Variants in PLXNC1 observed in about 807,000 individuals in gnomAD.
The protein encoded by PLXNC1 is plexin C1.
Under a neutral mutation model 178.2 loss-of-function variants are expected in PLXNC1, and 75 were observed. The ratio of observed to expected loss-of-function variants is 0.42; its 90% CI spans 0.35 to 0.51. The LOEUF is 0.51. Ranked by LOEUF, PLXNC1 falls within the 20% of genes least tolerant of loss-of-function variation. The pLI, the probability that PLXNC1 is intolerant of heterozygous loss-of-function variation, is 0.02. For missense variants in PLXNC1, 1,503 were observed against 1,984.4 expected, an observed-to-expected ratio of 0.76 and a Z score of 4.61; for synonymous variants, 790 against 779.9, an observed-to-expected ratio of 1.01 and a Z score of -0.22.
At chr12:94,189,552 T>G (rs1410153629) in intron 4 of PLXNC1, among the ~76,000 whole-genome samples, 1 of 152,078 alleles carries the variant, frequency 6.6e-6, no homozygotes, top group African/African-American at 2.4e-5. Flanking sequence ...TGGTGGTATG[T>G]GCTTCTGGTC....
At chr12:94,247,078 T>C (rs1195588683) in intron 12 of PLXNC1, among the ~76,000 whole-genome samples, 1 of 152,118 alleles carries the variant, frequency 6.6e-6, no homozygotes, top group Non-Finnish European at 1.5e-5. Flanking sequence ...TAAATTTTAT[T>C]TTTTATATAT....
intron 9 of PLXNC1, among the ~76,000 whole-genome samples, chr12:94,236,766 T>C (rs938385144): frequency 7.9e-5 from 12 of 152,310 alleles, no homozygotes; most frequent in South Asian, 2.1e-4. Context: ...TATAGAAGAA[T>C]ACAGACTTGC....
chr12:94,274,005 G>A (rs900093334), intron 21 of PLXNC1, among the ~76,000 whole-genome samples: 3 of 151,840 alleles, frequency 2.0e-5, no homozygotes, highest in African/African-American at 4.8e-5. Flanking sequence ...CGCTCCAAGC[G>A]CTACTCCCCC....
intron 2 of PLXNC1, among the ~76,000 whole-genome samples, chr12:94,171,193 T>G (rs938678257): frequency 1.3e-5 from 2 of 152,194 alleles, no homozygotes; most frequent in African/African-American, 4.8e-5. Flanking sequence ...TTAGCGATGT[T>G]GTGGCAACCA....
rs528486054 is a variant in PLXNC1 at position 94,152,831 on chromosome 12, G to C, written c.1062+2798G>C. On this transcript the variant is annotated intron_variant, in intron 1 of 30. Coordinates refer to ENST00000258526, the MANE Select transcript of PLXNC1 (RefSeq NM_005761.3). ...CCACTTTCTGGTTCTCTTATCTCTT[G>C]TCACTGATCCTCCTCTCCTTCAGCT... Among the ~76,000 whole-genome samples, 5 of 152,272 alleles carry C rather than the reference G, an allele frequency of 3.3e-5. No individual in the cohort carries two copies. In the South Asian group the frequency reaches 1.0e-3, roughly 32 times the overall value.
At chr12:94,280,983 G>A (rs1452419441) in intron 22 of PLXNC1, among the ~76,000 whole-genome samples, 1 of 152,176 alleles carries the variant, frequency 6.6e-6, no homozygotes, top group Non-Finnish European at 1.5e-5. Flanking sequence ...CAACTGTACT[G>A]AAATCCAACA....
intron 22 of PLXNC1, among the ~76,000 whole-genome samples, chr12:94,280,772 C>T (rs1022355902): frequency 1.2e-4 from 18 of 152,344 alleles, no homozygotes; most frequent in Middle Eastern, 6.8e-3. Context: ...CATGGGCATA[C>T]CCCGCCCGAC....
At chr12:94,222,931 C>T (rs1014025031) in intron 6 of PLXNC1, among the ~76,000 whole-genome samples, 4 of 152,154 alleles carry the variant, frequency 2.6e-5, no homozygotes, top group South Asian at 4.1e-4. Context: ...TCACACACAC[C>T]CTCTGTACGT....
intron 20 of PLXNC1, among the ~76,000 whole-genome samples, chr12:94,263,209 CCCCCGG>C (rs1184110414): frequency 6.8e-6 from 1 of 148,016 alleles, no homozygotes; most frequent in African/African-American, 2.5e-5. Context: ...CGCCTCCCCG[CCCCCGG>C]CCCCGGGAAG....
rs1427946375 is a variant in PLXNC1, at chr12:94,306,031, ATC to A, written c.*748_*749del. On this transcript the variant is annotated 3_prime_UTR_variant, in exon 31 of 31. Transcript: ENST00000258526. ...GTCCTAATGTATGTTCCTTTTCTTC[ATC>A]TGTTTTTTCATACTAAATGTATTTG... 1.3e-5 allele frequency: 2 copies of A among 152,108 alleles called. No individual in the cohort carries two copies. Among genetic ancestry groups the A allele is most frequent in the Admixed American group, 1.3e-4 (2 of 15,250 alleles). 9.4% of individuals were successfully genotyped at this position (152,108 alleles called of 1,614,324 possible). A position where few individuals can be genotyped will look rare whatever the true frequency, so the allele number is the denominator to read the frequency against.
rs758609925 is a variant in PLXNC1 at position 94,227,220 on chromosome 12, C to A, written c.1965C>A (p.Thr655=). The stretch of plus-strand genomic sequence containing the variant: ...CCAAGGAGAACAAGGGGAACAGAAC[C>A]AACCAGGCTTTACAGGTCAGACCCT... ...GRPKENKGNR[T]NQALQVFYIK... Residue 655 remains threonine, a synonymous_variant, in exon 9 of 31, where the codon ACC becomes ACA. Coordinates refer to ENST00000258526, the MANE Select transcript of PLXNC1 (RefSeq NM_005761.3). 55 of 1,609,136 alleles carry A rather than the reference C, an allele frequency of 3.4e-5. No homozygotes were observed. Among genetic ancestry groups the A allele is most frequent in the Non-Finnish European group, 3.7e-5 (44 of 1,175,676 alleles).
rs148373200 is a variant in PLXNC1, at chr12:94,160,366, T to C, written c.1063-8787T>C. Among the ~76,000 whole-genome samples the C allele has an allele frequency of 8.2e-3, 1,241 of 152,258 alleles. 12 individuals are homozygous for C. The highest frequency in any genetic ancestry group is 0.02 in the Middle Eastern group (6 of 294). ...AAGAGGAGTTGACACTGGGGCTCTGTTTTGAGGAAAAGTAAAAGCTGGGCA... is the reference window on the plus strand; with the variant it reads ...AAGAGGAGTTGACACTGGGGCTCTGCTTTGAGGAAAAGTAAAAGCTGGGCA... On this transcript the variant is annotated intron_variant, in intron 1 of 30. Transcript: ENST00000258526.
At chr12:94,175,358 G>C (rs1160000347) in intron 2 of PLXNC1, among the ~76,000 whole-genome samples, 2 of 152,118 alleles carry the variant, frequency 1.3e-5, no homozygotes, top group Admixed American at 6.5e-5. Context: ...TTGAACACCC[G>C]TGGCTTTTCC....
chr12:94,256,902 G>C (rs1381349779), intron 17 of PLXNC1, among the ~76,000 whole-genome samples: 1 of 148,760 alleles, frequency 6.7e-6, no homozygotes, highest in East Asian at 2.0e-4. Flanking sequence ...TAGGAGAAGA[G>C]AGATAGTTGC....
chr12:94,187,826 A>G (rs1249462960), intron 4 of PLXNC1, among the ~76,000 whole-genome samples: 2 of 152,148 alleles, frequency 1.3e-5, no homozygotes, highest in Non-Finnish European at 2.9e-5. Flanking sequence ...AGCTGGTGAT[A>G]TGAATTTGGG....
At position 94,150,001 on chromosome 12, in the gene PLXNC1, A is replaced by G; in HGVS notation, c.1030A>G (p.Ser344Gly). 2 of 1,596,876 alleles carry G rather than the reference A, an allele frequency of 1.3e-6. No individual in the cohort carries two copies. Among genetic ancestry groups the G allele is most frequent in the Non-Finnish European group, 1.7e-6 (2 of 1,173,084 alleles). ...GATCCAGGCGCGCGCCAAGAGGGTC[A>G]GCTGGGACTTCAAGACGGCCGAGAG... is the stretch of plus-strand genomic sequence containing the variant. ...SEIQARAKRV[S>G]WDFKTAESHC... Residue 344 changes from serine (S) to glycine (G), a missense_variant, in exon 1 of 31, where the codon AGC (serine) becomes GGC (glycine). This residue lies in a region of PLXNC1 where 615 missense variants were observed against 698.6 expected (regional missense o/e 0.88). Transcript: ENST00000258526.
intron 5 of PLXNC1, among the ~76,000 whole-genome samples, chr12:94,211,315 C>T (rs1030042026): frequency 6.6e-6 from 1 of 152,156 alleles, no homozygotes; most frequent in Non-Finnish European, 1.5e-5. Context: ...ATAAGAAGTT[C>T]GTAATTTGAC....
At chr12:94,171,832 C>G (rs184096653) in intron 2 of PLXNC1, among the ~76,000 whole-genome samples, 2 of 152,154 alleles carry the variant, frequency 1.3e-5, no homozygotes, top group Admixed American at 6.5e-5. Flanking sequence ...CACCCACCCC[C>G]CAAGCCCCCA....
intron 4 of PLXNC1, among the ~76,000 whole-genome samples, chr12:94,208,154 G>A (rs149839094): frequency 9.9e-5 from 15 of 152,250 alleles, no homozygotes; most frequent in African/African-American, 3.6e-4. Context: ...AGCCATCAAG[G>A]GTCAGATAAA....
Sources: allele counts gnomAD v4.1 joint callset (sites outside exome capture counted in the v4.1 genomes callset), GRCh38; gene constraint gnomAD v4.1.1; regional missense constraint gnomAD v4.1.1; transcripts MANE v1.5; gene names NCBI Gene and HGNC (gene_info 2026-07-23, HGNC 2026-07-21).